The following SHTN1 variants were observed in gnomAD, a reference collection of about 807,000 sequenced individuals.
SHTN1 encodes the protein shootin 1.
Under a neutral mutation model 83.1 loss-of-function variants are expected in SHTN1, and 42 were observed. The ratio of observed to expected loss-of-function variants is 0.51; its 90% confidence interval spans 0.39 to 0.65. The LOEUF is 0.65. Ranked by LOEUF, SHTN1 falls within the 30% of genes least tolerant of loss-of-function variation. The pLI is 0.00. For synonymous variants in SHTN1, 224 were observed against 247.7 expected (o/e 0.90, Z 0.90); for missense variants, 622 against 737.8 (o/e 0.84, Z 1.82).
chr10:116,974,066 T>G, intron 2 of SHTN1: 1 of 1,068,556 alleles, frequency 9.4e-7, no homozygotes, highest in Non-Finnish European at 1.1e-6. Context: ...TCTTCTTTCT[T>G]CCAATTCAAA....
intron 16 of SHTN1, among the ~76,000 whole-genome samples, chr10:116,895,631 T>C (rs1847491866): frequency 6.6e-6 from 1 of 152,180 alleles, no homozygotes; most frequent in Non-Finnish European, 1.5e-5. Flanking sequence ...ATGAAGCAAC[T>C]TAACTGCAGA....
intron 2 of SHTN1, among the ~76,000 whole-genome samples, chr10:117,011,590 A>G (rs559109738): frequency 6.6e-6 from 1 of 152,362 alleles, no homozygotes; most frequent in East Asian, 1.9e-4. Flanking sequence ...CAAGGTCAAT[A>G]AGCCCTTGAA....
At position 116,949,839 on chromosome 10, in the gene SHTN1, G is replaced by A. The variant is rs566323877; in HGVS notation, c.535-842C>T. Among the ~76,000 whole-genome samples, 13 of 151,806 alleles carry A rather than the reference G, an allele frequency of 8.6e-5. No homozygotes were observed. In the South Asian group the frequency reaches 1.0e-3, roughly 12 times the overall value. On this transcript the variant is annotated intron_variant, in intron 6 of 16. Coordinates refer to ENST00000355371, the MANE Select transcript of SHTN1 (RefSeq NM_001127211.3). ...GAAGTAACTTTTGATGTCTATCAAC[G>A]AAAGAGAATACTATAGAAAAGTTTT...
At chr10:116,918,984 C>T (rs1352917484) in intron 12 of SHTN1, among the ~76,000 whole-genome samples, 1 of 152,132 alleles carries the variant, frequency 6.6e-6, no homozygotes, top group Non-Finnish European at 1.5e-5. Context: ...TATAGTCTTT[C>T]TTTACAATGA....
At chr10:117,048,576 C>G in intron 1 of SHTN1, 1 of 551,496 alleles carries the variant, frequency 1.8e-6, no homozygotes, top group Non-Finnish European at 2.3e-6. Flanking sequence ...ATTAAGCATA[C>G]TGCATATTAA....
exon 1 of SHTN1, chr10:117,126,373 G>C (rs536937658): frequency 5.8e-6 from 1 of 171,334 alleles, no homozygotes; most frequent in Non-Finnish European, 1.3e-5. Context: ...GTGAGGTGCC[G>C]GGTCCAGGCT....
upstream of SHTN1, among the ~76,000 whole-genome samples, chr10:117,006,653 T>C (rs940309201): frequency 1.3e-5 from 2 of 152,056 alleles, no homozygotes; most frequent in Non-Finnish European, 1.5e-5. Context: ...TCTTTTACAC[T>C]GATCATTAAG....
chr10:116,915,533 C>G, intron 12 of SHTN1, 49 bp from the exon 13 acceptor site: 1 of 1,042,310 alleles, frequency 9.6e-7, no homozygotes, highest in Middle Eastern at 2.1e-4. Flanking sequence ...AAGAAAACAG[C>G]TACTTCCTAT....
intron 4 of SHTN1, among the ~76,000 whole-genome samples, chr10:116,956,227 G>C (rs1296535932): frequency 6.6e-6 from 1 of 152,204 alleles, no homozygotes; most frequent in Non-Finnish European, 1.5e-5. Context: ...ATCTCTGGCA[G>C]TGAAGCCCAG....
chr10:116,991,669 A>G (rs569054055), intron 1 of SHTN1, among the ~76,000 whole-genome samples: 1 of 152,256 alleles, frequency 6.6e-6, no homozygotes, highest in East Asian at 1.9e-4. Context: ...TTCATGAGGG[A>G]TCCAGCCCCA....
chr10:117,021,094 C>T (rs1182030718), intron 2 of SHTN1, among the ~76,000 whole-genome samples: 3 of 152,158 alleles, frequency 2.0e-5, no homozygotes, highest in African/African-American at 7.2e-5. Flanking sequence ...CAATGATGGC[C>T]AGGCGCGGTG....
chr10:116,968,747 A>C (rs756756273), intron 2 of SHTN1, 35 bp from the exon 3 acceptor site: 2 of 1,548,188 alleles, frequency 1.3e-6, no homozygotes, highest in Non-Finnish European at 1.8e-6. Context: ...GTTAAACTTC[A>C]ATCATAAATT....
At chr10:117,079,903 A>G (rs1396090048) in intron 1 of SHTN1, among the ~76,000 whole-genome samples, 1 of 144,816 alleles carries the variant, frequency 6.9e-6, no homozygotes, top group African/African-American at 2.5e-5. Context: ...TTTCTTGTAA[A>G]TTTGTTTGAG....
At chr10:116,914,802 C>A (rs184013658) in intron 13 of SHTN1, among the ~76,000 whole-genome samples, 1 of 152,116 alleles carries the variant, frequency 6.6e-6, no homozygotes. Context: ...CTGGAGTGCT[C>A]GCTGTGGTCT....
intron 2 of SHTN1, among the ~76,000 whole-genome samples, chr10:117,045,238 T>C (rs923577523): frequency 1.2e-4 from 18 of 152,182 alleles, no homozygotes; most frequent in Admixed American, 1.1e-3. Flanking sequence ...CTGACAAAAT[T>C]GTTGAAATCA....
At chr10:117,063,882 C>T (rs1055748617) in intron 1 of SHTN1, among the ~76,000 whole-genome samples, 1 of 152,124 alleles carries the variant, frequency 6.6e-6, no homozygotes, top group East Asian at 1.9e-4. Flanking sequence ...TTGATATCCC[C>T]AAATCCAACT....
At chr10:117,045,018 G>C (rs1852640696) in intron 2 of SHTN1, among the ~76,000 whole-genome samples, 1 of 152,142 alleles carries the variant, frequency 6.6e-6, no homozygotes, top group Non-Finnish European at 1.5e-5. Flanking sequence ...ATTAAGATTA[G>C]CAGGATATAC....
In SHTN1 at chr10:116,883,878, C is replaced by A; in HGVS notation, c.*2466G>T. The A allele has an allele frequency of 5.0e-6, 1 of 199,064 alleles. No homozygotes were observed. Among genetic ancestry groups the A allele is most frequent in the Non-Finnish European group, 1.1e-5 (1 of 94,724 alleles). 12.3% of individuals were successfully genotyped at this position (199,064 alleles called of 1,614,324 possible). On this transcript the variant is annotated 3_prime_UTR_variant, in exon 17 of 17. Coordinates refer to ENST00000355371, the MANE Select transcript of SHTN1 (RefSeq NM_001127211.3). The stretch of plus-strand genomic sequence containing the variant: ...ACTTTGTTTGAGACCAGCTCACATA[C>A]AAAAGGGTGCAAGTGCTTTAATTAA...
chr10:116,949,759 G>T (rs1022489708), intron 6 of SHTN1, among the ~76,000 whole-genome samples: 1 of 152,046 alleles, frequency 6.6e-6, no homozygotes, highest in South Asian at 2.1e-4. Context: ...GAACTCTGAT[G>T]ACTCTTGGCT....
Sources: allele counts gnomAD v4.1 joint callset (sites outside exome capture counted in the v4.1 genomes callset), GRCh38; gene constraint gnomAD v4.1.1; transcripts MANE v1.5; gene names NCBI Gene and HGNC (gene_info 2026-07-23, HGNC 2026-07-21).